Variants in ATRNL1 observed in about 807,000 individuals in gnomAD.
ATRNL1 encodes attractin-like protein 1.
A neutral mutation model predicts 182.7 loss-of-function variants in ATRNL1; 95 were observed. The ratio of observed to expected loss-of-function variants is 0.52; its 90% confidence interval spans 0.44 to 0.62. The LOEUF is 0.62. Among genes scored for constraint, ATRNL1 ranks in the 20% least tolerant of loss-of-function variants. ATRNL1 has a pLI of 0.00. For synonymous variants in ATRNL1, 576 were observed against 568.3 expected (o/e 1.01, Z -0.19); for missense variants, 1,471 against 1,679.5 (o/e 0.88, Z 2.17).
In ATRNL1 at chr10:115,700,212, G is replaced by GTC. The variant is rs1555051086; in HGVS notation, c.3796-27036_3796-27035insTC. On this transcript the variant is annotated intron_variant, in intron 26 of 28. Transcript: ENST00000355044. ...CTTTTGGATATATACCCAGTAATGG[G>GTC]ATTGCTGGGTCAAATTGTAGTTCTG... Among the ~76,000 whole-genome samples the GTC allele has an allele frequency of 1.3e-3, 199 of 152,268 alleles. 1 individual carries two copies. Among genetic ancestry groups the GTC allele is most frequent in the African/African-American group, 4.6e-3 (190 of 41,562 alleles).
At chr10:115,276,568 T>G (rs1178328744) in intron 13 of ATRNL1, among the ~76,000 whole-genome samples, 1 of 152,232 alleles carries the variant, frequency 6.6e-6, no homozygotes, top group Non-Finnish European at 1.5e-5. Context: ...TCAGAATGTC[T>G]TGTGATTAAG....
At chr10:115,583,655 G>A (rs1855285559) in intron 26 of ATRNL1, among the ~76,000 whole-genome samples, 1 of 145,388 alleles carries the variant, frequency 6.9e-6, no homozygotes, top group African/African-American at 2.4e-5. Context: ...TTTGGGCTGA[G>A]ACAATGGGGT....
At chr10:115,600,582 C>A (rs1048875459) in intron 26 of ATRNL1, among the ~76,000 whole-genome samples, 31 of 152,026 alleles carry the variant, frequency 2.0e-4, no homozygotes, top group African/African-American at 7.2e-4. Flanking sequence ...ACAAAGTATT[C>A]TTATTATTGA....
intron 27 of ATRNL1, among the ~76,000 whole-genome samples, chr10:115,828,261 G>A (rs1950483092): frequency 6.6e-6 from 1 of 151,918 alleles, no homozygotes; most frequent in African/African-American, 2.4e-5. Flanking sequence ...AGGTTGCGGT[G>A]AGCCGAAATC....
At chr10:115,301,167 C>T (rs1853447691) in intron 16 of ATRNL1, among the ~76,000 whole-genome samples, 1 of 152,084 alleles carries the variant, frequency 6.6e-6, no homozygotes, top group Non-Finnish European at 1.5e-5. Context: ...GTTGCTTCTA[C>T]CTTTTTGCTA....
In ATRNL1 at chr10:115,093,417, T is replaced by G. The variant is rs1564728297; in HGVS notation, c.-334T>G. 2.7e-5 allele frequency: 8 copies of G among 296,906 alleles called. No homozygotes were observed. The highest frequency in any genetic ancestry group is 2.5e-5 in the Non-Finnish European group (4 of 160,698). The allele number at this position is 296,906 out of a possible 1,614,324, so 18.4% of individuals were successfully genotyped here. On this transcript the variant is annotated 5_prime_UTR_variant, in exon 1 of 29. Coordinates refer to ENST00000355044, the MANE Select transcript of ATRNL1 (RefSeq NM_207303.4). This position sits in a 1 kb window ranked among gnomAD's most constrained non-coding sequence, Gnocchi z 6.1. Reference sequence around the variant, plus strand: ...GGCCGCGCGCGGGGTCCCCTCCTCCTGCCGGTCAGGTCCCCTCAGGAGCGC... The same window carrying G: ...GGCCGCGCGCGGGGTCCCCTCCTCCGGCCGGTCAGGTCCCCTCAGGAGCGC...
At chr10:115,509,617 C>A (rs1165403659) in intron 24 of ATRNL1, among the ~76,000 whole-genome samples, 1 of 151,976 alleles carries the variant, frequency 6.6e-6, no homozygotes, top group African/African-American at 2.4e-5. Flanking sequence ...AGAAGCCTTG[C>A]AGATGCCAGC....
At chr10:115,626,321 G>A (rs527462868) in intron 26 of ATRNL1, among the ~76,000 whole-genome samples, 7 of 152,254 alleles carry the variant, frequency 4.6e-5, no homozygotes, top group African/African-American at 1.7e-4. Context: ...TATATATGTT[G>A]CTCAGTGGCC....
chr10:115,441,929 A>G (rs1332084155), intron 21 of ATRNL1, among the ~76,000 whole-genome samples: 2 of 151,984 alleles, frequency 1.3e-5, no homozygotes, highest in Admixed American at 6.6e-5. Context: ...TCCTTATACA[A>G]TATATCCCAA....
intron 27 of ATRNL1, among the ~76,000 whole-genome samples, chr10:115,759,771 G>A (rs534325159): frequency 6.7e-4 from 101 of 150,212 alleles, no homozygotes; most frequent in Non-Finnish European, 1.2e-3. Context: ...TGCCTCCTGG[G>A]TTCAAGTGAT....
intron 2 of ATRNL1, among the ~76,000 whole-genome samples, chr10:115,121,031 A>G (rs956756112): frequency 2.0e-4 from 31 of 152,310 alleles, no homozygotes; most frequent in African/African-American, 5.8e-4. Flanking sequence ...GTATACAACA[A>G]AATGCACCCA....
chr10:115,508,762 G>GA (rs1321416915), intron 24 of ATRNL1, among the ~76,000 whole-genome samples: 2 of 152,006 alleles, frequency 1.3e-5, no homozygotes, highest in Non-Finnish European at 2.9e-5. Context: ...GGTGGTTTAT[G>GA]AGGTTTAAGT....
intron 19 of ATRNL1, among the ~76,000 whole-genome samples, chr10:115,379,821 A>G (rs1161448042): frequency 6.6e-6 from 1 of 152,120 alleles, no homozygotes. Context: ...TTTATGAAGT[A>G]AACTTTATAC....
At chr10:115,096,346 T>C (rs1380082433) in intron 1 of ATRNL1, among the ~76,000 whole-genome samples, 14 of 152,186 alleles carry the variant, frequency 9.2e-5, no homozygotes, top group African/African-American at 3.4e-4. Flanking sequence ...TATTTAATGT[T>C]AAAGAGAAGG....
chr10:115,771,099 T>G (rs1444026717), intron 27 of ATRNL1, among the ~76,000 whole-genome samples: 15 of 152,132 alleles, frequency 9.9e-5, no homozygotes, highest in Admixed American at 9.2e-4. Flanking sequence ...ATTTATCAAA[T>G]ACCTTACCCT....
intron 24 of ATRNL1, among the ~76,000 whole-genome samples, chr10:115,499,991 A>G (rs1554979615): frequency 6.6e-6 from 1 of 152,164 alleles, no homozygotes; most frequent in Non-Finnish European, 1.5e-5. Flanking sequence ...TTATTCCTAG[A>G]CAGGTAGGTC....
At chr10:115,647,565 T>C (rs1555032979) in intron 26 of ATRNL1, among the ~76,000 whole-genome samples, 1 of 152,224 alleles carries the variant, frequency 6.6e-6, no homozygotes, top group African/African-American at 2.4e-5. Context: ...GATGAGCATT[T>C]TTTCATGTGT....
chr10:115,391,893 A>G (rs543867601), intron 19 of ATRNL1, among the ~76,000 whole-genome samples: 2 of 152,152 alleles, frequency 1.3e-5, no homozygotes, highest in East Asian at 3.9e-4. Context: ...ATTGTATGAT[A>G]CTATTTTTAG....
chr10:115,875,214 T>C (rs931666315), intron 28 of ATRNL1, among the ~76,000 whole-genome samples: 1 of 152,208 alleles, frequency 6.6e-6, no homozygotes, highest in Non-Finnish European at 1.5e-5. Context: ...AATAGCGAAG[T>C]TTTTAATGTA....
Sources: gnomAD v4.1 joint callset for allele counts (sites outside exome capture counted in the v4.1 genomes callset) on GRCh38, gnomAD v4.1.1 for gene constraint, Gnocchi (gnomAD v3.1) non-coding constraint, MANE v1.5 for transcripts, NCBI Gene and HGNC (gene_info 2026-07-23, HGNC 2026-07-21) for gene names.